CPNE3: variants seen among roughly 807,000 people sequenced by gnomAD.
CPNE3 encodes copine-3.
In CPNE3, 68 loss-of-function variants were observed where a neutral mutation model predicts 63.9. The observed-to-expected ratio is 1.06, with a 90% confidence interval of 0.87 to 1.30. The LOEUF is 1.30. Ranked by LOEUF, CPNE3 falls within the 50% of genes most tolerant of loss-of-function variation. The pLI is 0.00. For missense variants in CPNE3, 665 were observed against 578.1 expected, an observed-to-expected ratio of 1.15 and a Z score of -1.54; for synonymous variants, 219 against 197.5, an observed-to-expected ratio of 1.11 and a Z score of -0.91.
rs1353211308 is a variant in CPNE3, at chr8:86,559,377, C to T, written c.*967C>T. On this transcript the variant is annotated 3_prime_UTR_variant, in exon 17 of 17. Transcript: ENST00000517490. ...TACTAAAAAAAAATTTTATACTTTC[C>T]TTGCTAAGGTCCCATATATTGATTT... 6.6e-6 allele frequency: 1 copy of T among 152,074 alleles called. No homozygotes were observed. Among genetic ancestry groups the T allele is most frequent in the African/African-American group, 2.4e-5 (1 of 41,414 alleles). 9.4% of individuals were successfully genotyped at this position (152,074 alleles called of 1,614,324 possible). A position where few individuals can be genotyped will look rare whatever the true frequency, so the allele number is the denominator to read the frequency against.
intron 14 of CPNE3, among the ~76,000 whole-genome samples, chr8:86,554,362 T>C (rs1184744584): frequency 6.6e-6 from 1 of 152,226 alleles, no homozygotes; most frequent in East Asian, 1.9e-4. Context: ...ACCTTTAACT[T>C]ATTGAATAAA....
Position 86,560,945 on chromosome 8 carries a change from A to T in CPNE3, c.*2535A>T, listed in dbSNP as rs1241379869. ...ATATCGGAGTGACGGTGCCCAGGAT[A>T]GATGTAATATTTCTTACAGATGCTG... is the stretch of plus-strand genomic sequence containing the variant. On this transcript the variant is annotated 3_prime_UTR_variant, in exon 17 of 17. Transcript: ENST00000517490. 2 of 152,200 alleles carry T rather than the reference A, an allele frequency of 1.3e-5. No homozygotes were observed. The highest frequency in any genetic ancestry group is 2.4e-5 in the African/African-American group (1 of 41,452). The allele number at this position is 152,200 out of a possible 1,614,324, so 9.4% of individuals were successfully genotyped here. A position where few individuals can be genotyped will look rare whatever the true frequency, so the allele number is the denominator to read the frequency against.
At chr8:86,532,476 A>T in intron 5 of CPNE3, 33 bp from the exon 6 acceptor site, 1 of 1,552,002 alleles carries the variant, frequency 6.4e-7, no homozygotes, top group South Asian at 1.2e-5. Flanking sequence ...TTCCTAAAAC[A>T]TATTTTCTTT....
At chr8:86,543,465 G>A (rs1478299270) in intron 8 of CPNE3, among the ~76,000 whole-genome samples, 1 of 152,090 alleles carries the variant, frequency 6.6e-6, no homozygotes, top group African/African-American at 2.4e-5. Context: ...AAAATCCTGA[G>A]TATTTTAGCT....
In CPNE3 at chr8:86,558,351, T is replaced by C; in HGVS notation, c.1555T>C (p.Phe519Leu). 1.1e-6 allele frequency: 1 copy of C among 872,988 alleles called. No homozygotes were observed. The highest frequency in any genetic ancestry group is 2.0e-6 in the Non-Finnish European group (1 of 501,686). The allele number at this position is 872,988 out of a possible 1,614,324, so 54.1% of individuals were successfully genotyped here. Residue 519 changes from phenylalanine to leucine, a missense_variant, in exon 17 of 17, where the codon TTC becomes CTC. By Grantham distance (22) the Phe-to-Leu change is conservative. Transcript: ENST00000517490. ...GATTCCCCAGCAGGTGGTGGGCTAC[T>C]TCAATACATACAAACTCCTTCCTCC... ...AEIPQQVVGY[F>L]NTYKLLPPKN...
At chr8:86,555,315 G>A (rs1439965050) in intron 15 of CPNE3, among the ~76,000 whole-genome samples, 1 of 151,952 alleles carries the variant, frequency 6.6e-6, no homozygotes, top group Non-Finnish European at 1.5e-5. Flanking sequence ...CACATCAGAT[G>A]CTGTTGCAAG....
chr8:86,519,569 T>A (rs995364164), intron 2 of CPNE3, among the ~76,000 whole-genome samples: 16 of 152,228 alleles, frequency 1.1e-4, no homozygotes, highest in Non-Finnish European at 1.9e-4. Context: ...ATAAAATTTA[T>A]TTCCTTATTG....
chr8:86,555,939 A>C (rs751603602), intron 15 of CPNE3, among the ~76,000 whole-genome samples, 163 bp from the exon 16 acceptor site: 1 of 152,196 alleles, frequency 6.6e-6, no homozygotes, highest in Non-Finnish European at 1.5e-5. Context: ...TGTAAGAGTC[A>C]ATTTCCTTGT....
intron 13 of CPNE3, 26 bp from the exon 14 acceptor site, chr8:86,551,157 A>T: frequency 6.2e-7 from 1 of 1,613,850 alleles, no homozygotes; most frequent in Non-Finnish European, 8.5e-7. Context: ...CCCAGCCCTC[A>T]TCAGTCCTTT....
intron 2 of CPNE3, among the ~76,000 whole-genome samples, chr8:86,527,286 G>A (rs1586830885): frequency 6.6e-6 from 1 of 152,240 alleles, no homozygotes; most frequent in East Asian, 1.9e-4. Flanking sequence ...ATCCAGATGG[G>A]AAATGCAATG....
intron 5 of CPNE3, among the ~76,000 whole-genome samples, chr8:86,532,239 T>A (rs1282162851): frequency 6.6e-6 from 1 of 152,218 alleles, no homozygotes; most frequent in Non-Finnish European, 1.5e-5. Context: ...TTGACATTTC[T>A]CTTGAATAGG....
chr8:86,550,939 A>C, intron 12 of CPNE3, 107 bp from the exon 13 acceptor site: 8 of 1,064,234 alleles, frequency 7.5e-6, no homozygotes, highest in Non-Finnish European at 1.0e-5. Flanking sequence ...TCTTTGTTTT[A>C]TCTTCATACT....
At chr8:86,542,144 T>A (rs950282804) in intron 8 of CPNE3, among the ~76,000 whole-genome samples, 1 of 152,250 alleles carries the variant, frequency 6.6e-6, no homozygotes, top group Non-Finnish European at 1.5e-5. Flanking sequence ...TTGGTTTGTT[T>A]TTAACTATAC....
At chr8:86,521,225 G>T (rs1358406375) in intron 2 of CPNE3, among the ~76,000 whole-genome samples, 1 of 152,166 alleles carries the variant, frequency 6.6e-6, no homozygotes. Flanking sequence ...CTAGCAAGGA[G>T]AACTTGCTTT....
chr8:86,546,851 C>T (rs917895977), intron 10 of CPNE3, among the ~76,000 whole-genome samples, 170 bp downstream of exon 10: 1 of 152,148 alleles, frequency 6.6e-6, no homozygotes, highest in Non-Finnish European at 1.5e-5. Flanking sequence ...GCTGGGATTA[C>T]AGGCACCCAC....
intron 12 of CPNE3, 31 bp downstream of exon 12, chr8:86,548,465 A>T: frequency 1.2e-6 from 2 of 1,613,084 alleles, no homozygotes; most frequent in Non-Finnish European, 1.7e-6. Flanking sequence ...ACTAAAATAC[A>T]TGTTTTCACA....
chr8:86,517,135 G>T (rs1052349639), intron 2 of CPNE3, among the ~76,000 whole-genome samples: 2 of 151,926 alleles, frequency 1.3e-5, no homozygotes. Context: ...TCGTATTGGG[G>T]TTTTTTTTGG....
chr8:86,542,933 CAAAT>C (rs1461905675), intron 8 of CPNE3, among the ~76,000 whole-genome samples: 1 of 151,994 alleles, frequency 6.6e-6, no homozygotes, highest in Non-Finnish European at 1.5e-5. Flanking sequence ...AATCTTTACT[CAAAT>C]AAAATCTTGG....
At chr8:86,531,256 C>T (rs1290800556) in intron 5 of CPNE3, 27 bp downstream of exon 5, 3 of 945,932 alleles carry the variant, frequency 3.2e-6, no homozygotes, top group Non-Finnish European at 5.3e-6. Flanking sequence ...TGTCTTTTGT[C>T]TCAAAAGATT....
Sources: gnomAD v4.1 joint callset for allele counts (sites outside exome capture counted in the v4.1 genomes callset) on GRCh38, gnomAD v4.1.1 for gene constraint, MANE v1.5 for transcripts, NCBI Gene and HGNC (gene_info 2026-07-23, HGNC 2026-07-21) for gene names.